The following FCHO1 variants were observed in gnomAD, a reference collection of about 807,000 sequenced individuals.
The protein encoded by FCHO1 is F-BAR domain only protein 1.
In FCHO1, 45 loss-of-function variants were observed where a neutral mutation model predicts 114.4. That is an observed-to-expected ratio of 0.39 (90% CI 0.31 to 0.50). The LOEUF is 0.50. Ranked by LOEUF, FCHO1 falls within the 20% of genes least tolerant of loss-of-function variation. The pLI is 0.77. For synonymous variants in FCHO1, 480 were observed against 488.9 expected (o/e 0.98, Z 0.24); for missense variants, 1,042 against 1,209.6 (o/e 0.86, Z 2.06).
intron 4 of FCHO1, among the ~76,000 whole-genome samples, chr19:17,760,592 C>T (rs551028864): frequency 8.5e-5 from 13 of 152,240 alleles, no homozygotes; most frequent in South Asian, 8.3e-4. Context: ...ACTAATGTTA[C>T]GAATTAGCAA....
intron 5 of FCHO1, among the ~76,000 whole-genome samples, chr19:17,763,674 C>T (rs2087447732): frequency 1.3e-5 from 2 of 150,644 alleles, no homozygotes; most frequent in Admixed American, 1.3e-4. Context: ...CCTCCCACCT[C>T]AGGATCCTGA....
At chr19:17,759,240 TGAGACAGAG>T (rs2085093442) in intron 4 of FCHO1, among the ~76,000 whole-genome samples, 1 of 147,074 alleles carries the variant, frequency 6.8e-6, no homozygotes, top group Non-Finnish European at 1.5e-5. Context: ...TTTTTTTTTT[TGAGACAGAG>T]TCTTGCTCTG....
rs1228656061 is a variant in FCHO1 at position 17,776,740 on chromosome 19, C to T, written c.1259+54C>T. The T allele has an allele frequency of 4.7e-6, 7 of 1,497,076 alleles. No individual in the cohort carries two copies. The highest frequency in any genetic ancestry group is 6.5e-6 in the Non-Finnish European group (7 of 1,077,936). 92.7% of individuals were successfully genotyped at this position (1,497,076 alleles called of 1,614,324 possible). A position where few individuals can be genotyped will look rare whatever the true frequency, so the allele number is the denominator to read the frequency against. ...GGCTGTCCCCACCTCCTCCCTCCAC[C>T]TCCCCATGTCTCCGCCTGGTGTTCT... On this transcript the variant is annotated intron_variant, in intron 18 of 28. Transcript: ENST00000596536. This position sits in a 1 kb window ranked among gnomAD's most constrained non-coding sequence, Gnocchi z 4.4.
At position 17,778,591 on chromosome 19, in the gene FCHO1, C is replaced by A. The variant is rs1487368894; in HGVS notation, c.1352-18C>A. 3 of 1,522,754 alleles carry A rather than the reference C, an allele frequency of 2.0e-6. No homozygotes were observed. The highest frequency in any genetic ancestry group is 2.7e-5 in the African/African-American group (2 of 72,926). The allele number at this position is 1,522,754 out of a possible 1,614,324, so 94.3% of individuals were successfully genotyped here. A position where few individuals can be genotyped will look rare whatever the true frequency, so the allele number is the denominator to read the frequency against. On this transcript the variant is annotated intron_variant, in intron 19 of 28. Transcript: ENST00000596536. The stretch of plus-strand genomic sequence containing the variant: ...AGTGGGCGAGGGTCGGAGCTGACCG[C>A]CCGCTTCCCTCCCCAAGGCTCTAGC...
chr19:17,755,063 C>A, intron 3 of FCHO1, 55 bp from the exon 4 acceptor site: 1 of 1,130,580 alleles, frequency 8.8e-7, no homozygotes, highest in Non-Finnish European at 1.4e-6. Flanking sequence ...GACTTTCCCC[C>A]CACCAAGCCC....
Position 17,774,295 on chromosome 19 carries a change from T to G in FCHO1, c.835+12T>G. The G allele has an allele frequency of 6.2e-7, 1 of 1,614,058 alleles. No homozygotes were observed. The highest frequency in any genetic ancestry group is 1.3e-5 in the African/African-American group (1 of 75,056). On this transcript the variant is annotated intron_variant, in intron 12 of 28. Coordinates refer to ENST00000596536, the MANE Select transcript of FCHO1 (RefSeq NM_015122.3). ...TGCCCTGCAGGAAGGCAAGTACGTC[T>G]GGGCCTGGATGCCCAGGCTGGACCA...
intron 4 of FCHO1, among the ~76,000 whole-genome samples, chr19:17,762,041 A>G (rs1381269515): frequency 6.6e-6 from 1 of 151,228 alleles, no homozygotes; most frequent in African/African-American, 2.4e-5. Context: ...GCTGGAGTGC[A>G]GTGGTAGGAT....
Position 17,783,086 on chromosome 19 carries a change from G to C in FCHO1, c.2007G>C (p.Gly669=). Residue 669 remains glycine, a synonymous_variant, in exon 24 of 29, where the codon GGG becomes GGC. Coordinates refer to ENST00000596536, the MANE Select transcript of FCHO1 (RefSeq NM_015122.3). ...CTGGCATCGTGCGTGTGTTCAGCGG[G>C]ACCCCACCACCACCTGTCCTCAGCT... ...FPAGIVRVFS[G]TPPPPVLSFR... The C allele has an allele frequency of 6.2e-7, 1 of 1,614,078 alleles. No individual in the cohort carries two copies. Among genetic ancestry groups the C allele is most frequent in the Non-Finnish European group, 8.5e-7 (1 of 1,180,002 alleles).
At chr19:17,788,043 C>T (rs1159301121) in intron 28 of FCHO1, among the ~76,000 whole-genome samples, 197 bp downstream of exon 28, 1 of 152,014 alleles carries the variant, frequency 6.6e-6, no homozygotes, top group Non-Finnish European at 1.5e-5. Context: ...CCTTGGAGGA[C>T]GTCCTTGGAA....
In FCHO1 at chr19:17,778,632, T is replaced by C. The variant is rs1395447457; in HGVS notation, c.1375T>C (p.Ser459Pro). ...FTGSSSLGFT[S>P]SPSPFSSSSP... ...AGGCTCTAGCAGCCTGGGCTTCACC[T>C]CCAGCCCCTCCCCTTTCTCCTCCTC... Residue 459 changes from serine to proline, a missense_variant, in exon 20 of 29, where the codon TCC becomes CCC. Coordinates refer to ENST00000596536, the MANE Select transcript of FCHO1 (RefSeq NM_015122.3). 6.3e-7 allele frequency: 1 copy of C among 1,574,820 alleles called. No individual in the cohort carries two copies. The highest frequency in any genetic ancestry group is 8.6e-7 in the Non-Finnish European group (1 of 1,163,228).
At position 17,776,807 on chromosome 19, in the gene FCHO1, G is replaced by C; in HGVS notation, c.1259+121G>C. On this transcript the variant is annotated intron_variant, in intron 18 of 28. Transcript: ENST00000596536. The surrounding 1 kb of genome is among the most constrained non-coding windows in gnomAD (Gnocchi z 4.4). ...GTTGACGTCATGCTGGGGTTTTTTT[G>C]TTTTTGTTTTTGTTTTGAGACAGAG... 1 of 902,234 alleles carries C rather than the reference G, an allele frequency of 1.1e-6. No individual in the cohort carries two copies. The allele number at this position is 902,234 out of a possible 1,614,324, so 55.9% of individuals were successfully genotyped here. A position where few individuals can be genotyped will look rare whatever the true frequency, so the allele number is the denominator to read the frequency against.
intron 20 of FCHO1, among the ~76,000 whole-genome samples, chr19:17,779,966 C>T (rs943293427): frequency 5.3e-5 from 8 of 151,606 alleles, no homozygotes; most frequent in Admixed American, 3.9e-4. Context: ...GGGAGAGCGG[C>T]GGGATGGGCT....
At position 17,776,029 on chromosome 19, in the gene FCHO1, C is replaced by T. The variant is rs2092590468; in HGVS notation, c.1050C>T (p.Asp350=). Residue 350 remains aspartate, a synonymous_variant, in exon 16 of 29, where the codon GAC becomes GAT. Transcript: ENST00000596536. This position sits in a 1 kb window ranked among gnomAD's most constrained non-coding sequence, Gnocchi z 4.4. ...SRFSSSDSDF[D]DEEPRKFYVH... is the part of the protein sequence containing the mutation. ...TCTCGTCCAGCGACTCCGACTTCGA[C>T]GATGAAGAGCCCCGCAAGTTCTATG... is the stretch of plus-strand genomic sequence containing the variant. The T allele has an allele frequency of 6.2e-6, 10 of 1,609,846 alleles. No homozygotes were observed. The highest frequency in any genetic ancestry group is 2.2e-5 in the East Asian group (1 of 44,860).
At chr19:17,773,295 G>A (rs376107534) in intron 11 of FCHO1, among the ~76,000 whole-genome samples, 8 of 152,218 alleles carry the variant, frequency 5.3e-5, no homozygotes, top group African/African-American at 1.7e-4. Flanking sequence ...TGTAAAGTGA[G>A]GATGTAATAA....
At position 17,781,326 on chromosome 19, in the gene FCHO1, C is replaced by G; in HGVS notation, c.1723C>G (p.Arg575Gly). 6.2e-7 allele frequency: 1 copy of G among 1,613,814 alleles called. No individual in the cohort carries two copies. Among genetic ancestry groups the G allele is most frequent in the Non-Finnish European group, 8.5e-7 (1 of 1,179,754 alleles). ...RSRKVSCPLT[R>G]SNGDLSRSLS... ...TAGGAAGGTGTCCTGCCCTCTCACA[C>G]GTAGCAATGGGGACCTGGTAGGTGA... is the stretch of plus-strand genomic sequence containing the variant. The change falls in exon 21 of 29, where the codon CGT becomes GGT. Residue 575 changes from arginine to glycine, a missense_variant. Arg to Gly is a moderately radical substitution (Grantham distance 125). This residue lies in a region of FCHO1 where 455 missense variants were observed against 455.4 expected (regional missense o/e 1.00). Coordinates refer to ENST00000596536, the MANE Select transcript of FCHO1 (RefSeq NM_015122.3).
intron 23 of FCHO1, 87 bp from the exon 24 acceptor site, chr19:17,782,930 A>T: frequency 1.3e-6 from 2 of 1,492,034 alleles, no homozygotes; most frequent in Non-Finnish European, 1.8e-6. Context: ...CTGGGGAGCC[A>T]CAGGCACCAG....
chr19:17,782,021 C>CA (rs2093470263), intron 23 of FCHO1, among the ~76,000 whole-genome samples: 1 of 130,610 alleles, frequency 7.7e-6, no homozygotes, highest in Admixed American at 8.2e-5. Flanking sequence ...TTTTTTGAGA[C>CA]AGAGTTTCGC....
chr19:17,780,045 G>A (rs2093219110), intron 20 of FCHO1, among the ~76,000 whole-genome samples: 1 of 152,076 alleles, frequency 6.6e-6, no homozygotes, highest in South Asian at 2.1e-4. Context: ...ACCACCCGAG[G>A]TCCCCAGTAG....
At chr19:17,763,787 C>A (rs2087513977) in intron 5 of FCHO1, among the ~76,000 whole-genome samples, 1 of 151,702 alleles carries the variant, frequency 6.6e-6, no homozygotes, top group Non-Finnish European at 1.5e-5. Flanking sequence ...GGTCTCGAAC[C>A]CCTGGGTTCC....
Sources: gnomAD v4.1 joint callset for allele counts (sites outside exome capture counted in the v4.1 genomes callset) on GRCh38, gnomAD v4.1.1 for gene constraint, gnomAD v4.1.1 regional missense constraint, Gnocchi (gnomAD v3.1) non-coding constraint, MANE v1.5 for transcripts, NCBI Gene and HGNC (gene_info 2026-07-23, HGNC 2026-07-21) for gene names.